PTPRM: variants seen among roughly 807,000 people sequenced by gnomAD.
PTPRM encodes the protein protein tyrosine phosphatase receptor type M.
Under a neutral mutation model 186.7 loss-of-function variants are expected in PTPRM, and 47 were observed. The ratio of observed to expected loss-of-function variants is 0.25; its 90% CI spans 0.20 to 0.32. PTPRM has a LOEUF of 0.32. Among genes scored for constraint, PTPRM ranks in the 10% least tolerant of loss-of-function variants. The pLI is 1.00. For synonymous variants in PTPRM, 668 were observed against 674.9 expected, an observed-to-expected ratio of 0.99 and a Z score of 0.16; for missense variants, 1,494 against 1,865.0, an observed-to-expected ratio of 0.80 and a Z score of 3.66.
intron 13 of PTPRM, among the ~76,000 whole-genome samples, chr18:8,129,024 G>A (rs767218040): frequency 8.5e-5 from 13 of 152,130 alleles, no homozygotes; most frequent in Non-Finnish European, 1.0e-4. Context: ...TAATTTTGAC[G>A]TTAATTTGGT....
intron 2 of PTPRM, among the ~76,000 whole-genome samples, chr18:7,788,211 T>G (rs928309871): frequency 1.3e-5 from 2 of 152,216 alleles, no homozygotes; most frequent in Non-Finnish European, 2.9e-5. Flanking sequence ...TCTTTTTGAA[T>G]AAAGTCAATA....
At chr18:8,334,563 A>C (rs2095428565) in intron 22 of PTPRM, among the ~76,000 whole-genome samples, 1 of 152,192 alleles carries the variant, frequency 6.6e-6, no homozygotes, top group African/African-American at 2.4e-5. Context: ...CCACCTGGAC[A>C]TTTCTGCTGC....
At chr18:8,261,127 G>C (rs2147492432) in intron 19 of PTPRM, among the ~76,000 whole-genome samples, 1 of 152,300 alleles carries the variant, frequency 6.6e-6, no homozygotes, top group South Asian at 2.1e-4. Flanking sequence ...TTCAGTTCCT[G>C]CTTCATATTT....
chr18:8,214,753 T>C (rs1021457808), intron 14 of PTPRM, among the ~76,000 whole-genome samples: 3 of 152,146 alleles, frequency 2.0e-5, no homozygotes, highest in African/African-American at 7.2e-5. Flanking sequence ...AACTTCAGCC[T>C]CCCAGGTTCA....
chr18:8,264,774 CAAAA>C (rs577367071), intron 19 of PTPRM, among the ~76,000 whole-genome samples: 7 of 100,046 alleles, frequency 7.0e-5, no homozygotes, highest in Admixed American at 2.1e-4. Context: ...GACTCCATCT[CAAAA>C]AAAAAAAAAA....
chr18:8,194,752 G>A lies in PTPRM; in HGVS notation c.2301-49306G>A, dbSNP rs756404440. ...GAAATCTACTTCTTAATGACATTTT[G>A]TGCTGCTTTTTAATTTTTCTTGCTT... On this transcript the variant is annotated intron_variant, in intron 14 of 32. Transcript: ENST00000580170. Among the ~76,000 whole-genome samples, 22 of 152,196 alleles carry A rather than the reference G, an allele frequency of 1.4e-4. 1 individual carries two copies. Among genetic ancestry groups the A allele is most frequent in the Admixed American group, 5.2e-4 (8 of 15,278 alleles).
chr18:8,224,704 A>G (rs1332866974), intron 14 of PTPRM, among the ~76,000 whole-genome samples: 1 of 152,212 alleles, frequency 6.6e-6, no homozygotes, highest in South Asian at 2.1e-4. Flanking sequence ...GTTATGTGGC[A>G]TAATATGGTT....
At chr18:8,307,157 G>T (rs1439994579) in intron 20 of PTPRM, among the ~76,000 whole-genome samples, 4 of 152,202 alleles carry the variant, frequency 2.6e-5, no homozygotes, top group Non-Finnish European at 4.4e-5. Flanking sequence ...AGCTGGAAGA[G>T]CCAATCATTT....
intron 1 of PTPRM, among the ~76,000 whole-genome samples, chr18:7,745,265 A>G (rs1024452330): frequency 1.3e-5 from 2 of 152,228 alleles, no homozygotes; most frequent in African/African-American, 4.8e-5. Context: ...AAACAGGACC[A>G]TATATCTGGC....
chr18:7,689,542 C>A (rs540839921), intron 1 of PTPRM, among the ~76,000 whole-genome samples: 1 of 152,326 alleles, frequency 6.6e-6, no homozygotes, highest in East Asian at 1.9e-4. Flanking sequence ...TACAGTTAAG[C>A]CCTATGGCCT....
intron 14 of PTPRM, among the ~76,000 whole-genome samples, chr18:8,239,032 A>G (rs1375585697): frequency 1.4e-5 from 2 of 147,482 alleles, no homozygotes; most frequent in Admixed American, 1.3e-4. Flanking sequence ...TTTAGGGTAC[A>G]TGTGCACAAT....
chr18:8,054,298 A>AATAT lies in PTPRM; in HGVS notation c.1133-15367_1133-15364dup, dbSNP rs34903203. Among the ~76,000 whole-genome samples, 244 of 131,680 alleles carry AATAT rather than the reference A, an allele frequency of 1.9e-3. 3 individuals carry two copies. Among genetic ancestry groups the AATAT allele is most frequent in the Middle Eastern group, 7.2e-3 (2 of 276 alleles). 86.4% of individuals were successfully genotyped at this position (131,680 alleles called of 152,430 possible). On this transcript the variant is annotated intron_variant, in intron 7 of 32. Transcript: ENST00000580170. Reference sequence around the variant, plus strand: ...AGTAGTAATATATACTAGTAGTAGTAATATATATATATATATATATATATT... The same window carrying AATAT: ...AGTAGTAATATATACTAGTAGTAGTAATATATATATATATATATATATATATATT...
rs764617156 is a variant in PTPRM, at chr18:7,906,524, C to T, written c.488C>T (p.Thr163Ile). Residue 163 changes from threonine to isoleucine, a missense_variant, in exon 4 of 33, where the codon ACT (threonine) becomes ATT (isoleucine). By Grantham distance (89) the Thr-to-Ile change is moderately conservative. This residue lies in a region of PTPRM where 296 missense variants were observed against 345.5 expected (regional missense o/e 0.86). Transcript: ENST00000580170. Reference protein sequence around the residue: ...NFYQVIFEVITSGHQGYLAID... With the variant: ...NFYQVIFEVIISGHQGYLAID... ...TTCCAGGTGATTTTTGAAGTGATAA[C>T]TTCTGGACATCAAGGCTATCTCGCT... The T allele has an allele frequency of 1.2e-6, 2 of 1,612,978 alleles. No homozygotes were observed.
At chr18:8,307,206 T>G (rs1568712907) in intron 20 of PTPRM, among the ~76,000 whole-genome samples, 1 of 152,102 alleles carries the variant, frequency 6.6e-6, no homozygotes, top group East Asian at 1.9e-4. Flanking sequence ...TTAATGTGAG[T>G]GATGGTGATA....
chr18:7,843,111 G>T (rs2046433796), intron 2 of PTPRM, among the ~76,000 whole-genome samples: 1 of 151,648 alleles, frequency 6.6e-6, no homozygotes, highest in Non-Finnish European at 1.5e-5. Flanking sequence ...GCACAGAGAG[G>T]TCAGTTAACT....
chr18:8,336,502 T>C (rs1485886124), intron 22 of PTPRM, among the ~76,000 whole-genome samples: 1 of 150,864 alleles, frequency 6.6e-6, no homozygotes, highest in Non-Finnish European at 1.5e-5. Flanking sequence ...CAGTGAGCCG[T>C]GATCATACCA....
intron 1 of PTPRM, among the ~76,000 whole-genome samples, chr18:7,656,098 A>C (rs1389932109): frequency 6.6e-6 from 1 of 152,224 alleles, no homozygotes; most frequent in Non-Finnish European, 1.5e-5. Context: ...AATAATTAAA[A>C]TCAAAGTCTC....
At chr18:8,221,515 G>T (rs1055619378) in intron 14 of PTPRM, among the ~76,000 whole-genome samples, 7 of 152,234 alleles carry the variant, frequency 4.6e-5, no homozygotes, top group African/African-American at 1.7e-4. Flanking sequence ...TTCAGAGAGA[G>T]CCAATGCTGC....
rs1555786226 is a variant in PTPRM, at chr18:8,178,804, T to TAGTAAAATAA, written c.2300+35026_2300+35027insGTAAAATAAA. Among the ~76,000 whole-genome samples the TAGTAAAATAA allele has an allele frequency of 2.9e-4, 44 of 151,106 alleles. 1 individual carries two copies. In the East Asian group the frequency reaches 6.4e-3, roughly 22 times the overall value. On this transcript the variant is annotated intron_variant, in intron 14 of 32. Coordinates refer to ENST00000580170, the MANE Select transcript of PTPRM (RefSeq NM_001105244.2). ...TCCGTCTCAAAAATAATAATAATAATAAAATAAAAAATAAATTTGGCTTTG... is the reference window on the plus strand; with the variant it reads ...TCCGTCTCAAAAATAATAATAATAATAGTAAAATAAAAAATAAAAAATAAATTTGGCTTTG...
Sources: gnomAD v4.1 joint callset for allele counts (sites outside exome capture counted in the v4.1 genomes callset) on GRCh38, gnomAD v4.1.1 for gene constraint, gnomAD v4.1.1 regional missense constraint, MANE v1.5 for transcripts, NCBI Gene and HGNC (gene_info 2026-07-23, HGNC 2026-07-21) for gene names.